The following CNTNAP5 variants were observed in gnomAD, a reference collection of about 807,000 sequenced individuals.
The protein encoded by CNTNAP5 is contactin associated protein family member 5.
Under a neutral mutation model 150.2 loss-of-function variants are expected in CNTNAP5, and 72 were observed. The ratio of observed to expected loss-of-function variants is 0.48; its 90% CI spans 0.40 to 0.58. The LOEUF (loss-of-function observed/expected upper bound fraction) is 0.58, where lower values mean the gene tolerates loss of function less well. Among genes scored for constraint, CNTNAP5 ranks in the 20% least tolerant of loss-of-function variants. CNTNAP5 has a pLI of 0.00. For missense variants in CNTNAP5, 1,636 were observed against 1,626.2 expected (o/e 1.01, Z -0.10); for synonymous variants, 672 against 619.8 (o/e 1.08, Z -1.25).
rs570690751 is a variant in CNTNAP5, at chr2:124,867,395, G to C, written c.3348+1959G>C. Among the ~76,000 whole-genome samples the C allele has an allele frequency of 6.6e-5, 10 of 152,198 alleles. No homozygotes were observed. The South Asian group carries it at 2.1e-3, about 32-fold the overall frequency. ...TTTTTCTTATACCCATACCGAAAAGGTATTGCCTCTGCACTGCAGCAAAAT... is the reference window on the plus strand; with the variant it reads ...TTTTTCTTATACCCATACCGAAAAGCTATTGCCTCTGCACTGCAGCAAAAT... On this transcript the variant is annotated intron_variant, in intron 20 of 23. Transcript: ENST00000682447.
At chr2:124,692,537 C>T (rs962660097) in intron 13 of CNTNAP5, among the ~76,000 whole-genome samples, 5 of 152,014 alleles carry the variant, frequency 3.3e-5, no homozygotes, top group African/African-American at 1.2e-4. Flanking sequence ...TTCAGCTTAT[C>T]CATGGAGGTT....
At chr2:124,310,290 C>T (rs1162419613) in intron 3 of CNTNAP5, among the ~76,000 whole-genome samples, 1 of 151,736 alleles carries the variant, frequency 6.6e-6, no homozygotes, top group African/African-American at 2.4e-5. Context: ...GAAGTGTGGG[C>T]TGTGTGTCTG....
intron 5 of CNTNAP5, among the ~76,000 whole-genome samples, chr2:124,441,514 G>GT (rs1692673236): frequency 6.6e-6 from 1 of 151,896 alleles, no homozygotes. Flanking sequence ...TTTTAAATCA[G>GT]TATAGTCTAA....
At position 124,886,902 on chromosome 2, in the gene CNTNAP5, C is replaced by T. The variant is rs1678092971; in HGVS notation, c.3437-15980C>T. ...TTTCATTGACTGCTGGCTGCAAACA[C>T]ATACCCAGCCACTTTGACTGTTAAT... is the stretch of plus-strand genomic sequence containing the variant. On this transcript the variant is annotated intron_variant, in intron 21 of 23. Transcript: ENST00000682447. 2.6e-5 allele frequency among the ~76,000 whole-genome samples: 4 copies of T among 152,130 alleles called. No individual in the cohort carries two copies. The South Asian group carries it at 8.3e-4, about 32-fold the overall frequency.
At chr2:124,289,322 T>G (rs2104632010) in intron 3 of CNTNAP5, among the ~76,000 whole-genome samples, 1 of 152,340 alleles carries the variant, frequency 6.6e-6, no homozygotes, top group South Asian at 2.1e-4. Flanking sequence ...AAGCTATTGT[T>G]AACAATCTAG....
intron 19 of CNTNAP5, among the ~76,000 whole-genome samples, chr2:124,864,803 C>A (rs1316195843): frequency 1.3e-5 from 2 of 152,076 alleles, no homozygotes; most frequent in Non-Finnish European, 2.9e-5. Context: ...GGTTAATGGA[C>A]CCTAAAGGGT....
rs1209784054 is a variant in CNTNAP5 at position 124,593,105 on chromosome 2, ATATT to A, written c.1757-16675_1757-16672del. 7.0e-3 allele frequency among the ~76,000 whole-genome samples: 1,029 copies of A among 147,598 alleles called. 14 individuals are homozygous for A. Among genetic ancestry groups the A allele is most frequent in the African/African-American group, 0.024 (958 of 40,498 alleles). ...GTACATGTATGTATTCTATTTTTCAATATTTATTTATTTATTTATTTATTATTAT... is the reference window on the plus strand; with the variant it reads ...GTACATGTATGTATTCTATTTTTCAATATTTATTTATTTATTTATTATTAT... On this transcript the variant is annotated intron_variant, in intron 11 of 23. Transcript: ENST00000682447.
At chr2:124,847,026 G>A (rs987097378) in intron 19 of CNTNAP5, among the ~76,000 whole-genome samples, 1 of 152,216 alleles carries the variant, frequency 6.6e-6, no homozygotes, top group African/African-American at 2.4e-5. Flanking sequence ...TTTTTGTTTA[G>A]AGTGCTGGTT....
chr2:124,798,392 T>A (rs1573624469), intron 19 of CNTNAP5, 72 bp downstream of exon 19: 1 of 1,092,246 alleles, frequency 9.2e-7, no homozygotes, highest in East Asian at 2.4e-5. Context: ...CCTCCAGAAC[T>A]CTGCATAATT....
chr2:124,473,953 G>A (rs904756563), intron 6 of CNTNAP5, among the ~76,000 whole-genome samples: 3 of 151,924 alleles, frequency 2.0e-5, no homozygotes, highest in African/African-American at 7.2e-5. Context: ...AATTAGGTTG[G>A]TGCAAATGTA....
Position 124,747,399 on chromosome 2 carries a change from C to T in CNTNAP5, c.2234+14C>T, listed in dbSNP as rs1377341860. 4 of 1,613,460 alleles carry T rather than the reference C, an allele frequency of 2.5e-6. No homozygotes were observed. The highest frequency in any genetic ancestry group is 3.4e-6 in the Non-Finnish European group (4 of 1,179,548). On this transcript the variant is annotated intron_variant, in intron 14 of 23. Transcript: ENST00000682447. ...CAAGGATGAATGGTAATGAGAATCT[C>T]CATCTTTCTGCAATTGTAGAGAAAG... is the stretch of plus-strand genomic sequence containing the variant.
chr2:124,722,152 C>G (rs1680063358), intron 13 of CNTNAP5, among the ~76,000 whole-genome samples: 1 of 152,026 alleles, frequency 6.6e-6, no homozygotes, highest in African/African-American at 2.4e-5. Context: ...TTGGGAAGAA[C>G]ACAATTCAGT....
In CNTNAP5 at chr2:124,736,914, C is replaced by T. The variant is rs2105133329; in HGVS notation, c.2078-10315C>T. Among the ~76,000 whole-genome samples, 2 of 152,088 alleles carry T rather than the reference C, an allele frequency of 1.3e-5. 1 individual carries two copies. Among genetic ancestry groups the T allele is most frequent in the South Asian group, 4.2e-4 (2 of 4,816 alleles). Reference sequence around the variant, plus strand: ...CAGTCATGAACAAGCCATAAAATGCCCTTTTCCTAATTCCAATGGGGAATA... The same window carrying T: ...CAGTCATGAACAAGCCATAAAATGCTCTTTTCCTAATTCCAATGGGGAATA... On this transcript the variant is annotated intron_variant, in intron 13 of 23. Coordinates refer to ENST00000682447, the MANE Select transcript of CNTNAP5 (RefSeq NM_001367498.1).
intron 13 of CNTNAP5, among the ~76,000 whole-genome samples, chr2:124,669,616 C>T (rs1261121164): frequency 6.6e-6 from 1 of 152,170 alleles, no homozygotes; most frequent in Non-Finnish European, 1.5e-5. Flanking sequence ...TGCATATATC[C>T]ACCTGCCTAC....
intron 23 of CNTNAP5, among the ~76,000 whole-genome samples, chr2:124,912,511 G>A (rs1678677677): frequency 6.6e-6 from 1 of 152,016 alleles, no homozygotes; most frequent in Non-Finnish European, 1.5e-5. Context: ...GAGCACAGAG[G>A]TGCACTCCTG....
At chr2:124,195,585 C>T (rs1200092053) in intron 1 of CNTNAP5, among the ~76,000 whole-genome samples, 1 of 152,112 alleles carries the variant, frequency 6.6e-6, no homozygotes, top group African/African-American at 2.4e-5. Flanking sequence ...TTGTCCATTC[C>T]TGTATATCCC....
chr2:124,045,509 G>A (rs968968527), intron 1 of CNTNAP5, among the ~76,000 whole-genome samples: 14 of 151,662 alleles, frequency 9.2e-5, no homozygotes, highest in Middle Eastern at 3.2e-3. Flanking sequence ...TGTTGGTCAG[G>A]CTGGTCTTGA....
At chr2:124,130,363 G>A (rs907971169) in intron 1 of CNTNAP5, among the ~76,000 whole-genome samples, 9 of 152,004 alleles carry the variant, frequency 5.9e-5, no homozygotes, top group Admixed American at 2.6e-4. Flanking sequence ...TGGGCCCACC[G>A]ACTCAGGCTC....
intron 1 of CNTNAP5, among the ~76,000 whole-genome samples, chr2:124,183,517 T>C (rs1330077846): frequency 3.9e-5 from 6 of 152,204 alleles, no homozygotes; most frequent in African/African-American, 1.2e-4. Context: ...TTGTATTATA[T>C]TGCACAAGGT....
Sources: allele counts gnomAD v4.1 joint callset (sites outside exome capture counted in the v4.1 genomes callset), GRCh38; gene constraint gnomAD v4.1.1; transcripts MANE v1.5; gene names NCBI Gene and HGNC (gene_info 2026-07-23, HGNC 2026-07-21).